CSMD2: variants seen among roughly 807,000 people sequenced by gnomAD.
The protein encoded by CSMD2 is CUB and Sushi multiple domains 2, also known as CUB and sushi domain-containing protein 2.
CSMD2 carries 130 observed loss-of-function variants against 398.5 expected under a neutral mutation model. The ratio of observed to expected loss-of-function variants is 0.33; its 90% CI spans 0.28 to 0.38. CSMD2 has a LOEUF of 0.38. CSMD2 is among the 10% of genes least tolerant of loss of function. The pLI is 1.00. For synonymous variants in CSMD2, 1,828 were observed against 1,908.5 expected (o/e 0.96, Z 1.10); for missense variants, 3,829 against 4,764.9 (o/e 0.80, Z 5.78).
intron 3 of CSMD2, among the ~76,000 whole-genome samples, chr1:33,959,247 C>A (rs1298912967): frequency 1.3e-5 from 2 of 152,164 alleles, no homozygotes; most frequent in African/African-American, 4.8e-5. Flanking sequence ...TGTGACACTG[C>A]TGGCTTAATT....
chr1:33,759,144 T>C (rs1052790758), intron 13 of CSMD2, among the ~76,000 whole-genome samples: 1 of 152,056 alleles, frequency 6.6e-6, no homozygotes, highest in Admixed American at 6.5e-5. Flanking sequence ...TCTGGGAATG[T>C]GACAGTTAAG....
intron 25 of CSMD2, among the ~76,000 whole-genome samples, chr1:33,685,537 C>A (rs1571219841): frequency 6.6e-6 from 1 of 152,184 alleles, no homozygotes; most frequent in South Asian, 2.1e-4. Flanking sequence ...ACTGAGAAAT[C>A]CATTCAGAGT....
chr1:33,743,217 T>C (rs1647142443), intron 14 of CSMD2, 63 bp downstream of exon 14: 2 of 1,422,086 alleles, frequency 1.4e-6, no homozygotes, highest in Non-Finnish European at 1.9e-6. Context: ...GGGAGCACCT[T>C]CGATCATCCT....
chr1:33,816,187 C>A (rs1192096799), intron 9 of CSMD2, among the ~76,000 whole-genome samples: 1 of 152,124 alleles, frequency 6.6e-6, no homozygotes, highest in Admixed American at 6.5e-5. Flanking sequence ...ATTCTAGCCA[C>A]CCAAAGGCAT....
intron 3 of CSMD2, among the ~76,000 whole-genome samples, chr1:34,016,638 T>C (rs1648154043): frequency 6.6e-6 from 1 of 152,214 alleles, no homozygotes. Context: ...GCTATAAAGA[T>C]ACATGGACAT....
chr1:33,622,068 G>A (rs1163299318), intron 37 of CSMD2, 99 bp downstream of exon 37: 12 of 892,252 alleles, frequency 1.3e-5, no homozygotes, highest in Admixed American at 1.8e-5. Context: ...AAGTGGGATG[G>A]ACAATATGCA....
At chr1:33,586,756 G>A in intron 45 of CSMD2, 139 bp from the exon 46 acceptor site, 1 of 624,934 alleles carries the variant, frequency 1.6e-6, no homozygotes, top group South Asian at 1.9e-5. Flanking sequence ...CCATCAAATG[G>A]CCCAGACGAC....
At chr1:33,688,429 G>A (rs1387690947) in intron 25 of CSMD2, among the ~76,000 whole-genome samples, 1 of 152,212 alleles carries the variant, frequency 6.6e-6, no homozygotes, top group Non-Finnish European at 1.5e-5. Flanking sequence ...GACATTAATA[G>A]TTATTTTATG....
intron 13 of CSMD2, among the ~76,000 whole-genome samples, chr1:33,761,338 C>T (rs189667241): frequency 2.0e-5 from 3 of 152,320 alleles, no homozygotes; most frequent in East Asian, 1.9e-4. Context: ...CCCCAGGATC[C>T]TATGAGTGAT....
intron 1 of CSMD2, among the ~76,000 whole-genome samples, chr1:34,102,611 GATCCAACCATATCCCTGTA>G (rs1558390352): frequency 0.015 from 1,157 of 76,002 alleles, 29 homozygotes; most frequent in African/African-American, 0.043. Context: ...ATATCCCTGT[GATCCAACCATATCCCTGTA>G]ATCCGGCCAT....
intron 29 of CSMD2, among the ~76,000 whole-genome samples, chr1:33,638,890 A>T (rs1310924307): frequency 1.3e-5 from 2 of 151,932 alleles, no homozygotes; most frequent in Admixed American, 6.6e-5. Flanking sequence ...CTCTATATTG[A>T]CCTTATTTTT....
chr1:33,774,115 G>GTC (rs994580236), intron 12 of CSMD2, among the ~76,000 whole-genome samples: 5 of 86,974 alleles, frequency 5.7e-5, no homozygotes, highest in Admixed American at 4.2e-4. Flanking sequence ...GATTGTGTGT[G>GTC]TGTGTGTGTG....
intron 3 of CSMD2, among the ~76,000 whole-genome samples, chr1:34,025,277 A>G (rs1342168397): frequency 6.6e-6 from 1 of 151,796 alleles, no homozygotes; most frequent in Non-Finnish European, 1.5e-5. Context: ...TTTTTTCCAG[A>G]AGTGACACTA....
At position 33,533,993 on chromosome 1, in the gene CSMD2, A is replaced by C; in HGVS notation, c.9880-86T>G. The C allele has an allele frequency of 1.3e-6, 1 of 777,828 alleles. No homozygotes were observed. The highest frequency in any genetic ancestry group is 2.1e-5 in the Admixed American group (1 of 47,194). The allele number at this position is 777,828 out of a possible 1,614,324, so 48.2% of individuals were successfully genotyped here. A position where few individuals can be genotyped will look rare whatever the true frequency, so the allele number is the denominator to read the frequency against. Reference sequence around the variant, plus strand: ...CCCTTGACCACTTTCACATGGCCCAACTCCTCCCGCACTGTTGCCTGCAAA... The same window carrying C: ...CCCTTGACCACTTTCACATGGCCCACCTCCTCCCGCACTGTTGCCTGCAAA... On this transcript the variant is annotated intron_variant, in intron 62 of 70. Coordinates refer to ENST00000373381, the MANE Select transcript of CSMD2 (RefSeq NM_001281956.2). The surrounding 1 kb of genome is among the most constrained non-coding windows in gnomAD (Gnocchi z 4.2).
chr1:34,146,576 C>T (rs1239709831), intron 1 of CSMD2, among the ~76,000 whole-genome samples: 2 of 152,050 alleles, frequency 1.3e-5, no homozygotes, highest in Non-Finnish European at 2.9e-5. Flanking sequence ...TCCAACTGTT[C>T]AGGAGAAAAG....
At position 33,676,573 on chromosome 1, in the gene CSMD2, T is replaced by C. The variant is rs1217773777; in HGVS notation, c.4053-13481A>G. On this transcript the variant is annotated intron_variant, in intron 25 of 70. Transcript: ENST00000373381. ...AGATTCAATGCCATCCCCATTAAGC[T>C]ACCAATGACTTTCTTCACAGAATTG... is the stretch of plus-strand genomic sequence containing the variant. 3.9e-5 allele frequency among the ~76,000 whole-genome samples: 6 copies of C among 152,352 alleles called. No homozygotes were observed. In the South Asian group the frequency reaches 6.2e-4, roughly 16 times the overall value.
chr1:34,157,424 G>A (rs1640904982), intron 1 of CSMD2, among the ~76,000 whole-genome samples: 1 of 151,792 alleles, frequency 6.6e-6, no homozygotes. Flanking sequence ...CCAGTCTCTT[G>A]TTCCAACTCA....
rs184070078 is a variant in CSMD2 at position 33,872,909 on chromosome 1, G to T, written c.921-25913C>A. On this transcript the variant is annotated intron_variant, in intron 5 of 70. Coordinates refer to ENST00000373381, the MANE Select transcript of CSMD2 (RefSeq NM_001281956.2). ...TCCCCAGGCTTTGAAACCTAACCAA[G>T]AAACTTGCAGTCTTTTCCTGGCTGG... is the stretch of plus-strand genomic sequence containing the variant. Among the ~76,000 whole-genome samples, 5 of 152,330 alleles carry T rather than the reference G, an allele frequency of 3.3e-5. No individual in the cohort carries two copies. The East Asian group carries it at 9.6e-4, about 29-fold the overall frequency.
chr1:34,080,216 T>C (rs1191679237), intron 2 of CSMD2, among the ~76,000 whole-genome samples: 1 of 150,594 alleles, frequency 6.6e-6, no homozygotes, highest in African/African-American at 2.4e-5. Context: ...ACTCTGAAGA[T>C]CTAATGTTTG....
Sources: gnomAD v4.1 joint callset for allele counts (sites outside exome capture counted in the v4.1 genomes callset) on GRCh38, gnomAD v4.1.1 for gene constraint, Gnocchi (gnomAD v3.1) non-coding constraint, MANE v1.5 for transcripts, NCBI Gene and HGNC (gene_info 2026-07-23, HGNC 2026-07-21) for gene names.